GPM6A: variants seen among roughly 807,000 people sequenced by gnomAD.
GPM6A encodes the protein neuronal membrane glycoprotein M6-a.
In GPM6A, 7 loss-of-function variants were observed where a neutral mutation model predicts 32.1. The ratio of observed to expected loss-of-function variants is 0.22; its 90% CI spans 0.12 to 0.41. The LOEUF is 0.41. Among genes scored for constraint, GPM6A ranks in the 10% least tolerant of loss-of-function variants. The pLI, the probability that GPM6A is intolerant of heterozygous loss-of-function variation, is 1.00. For missense variants in GPM6A, 235 were observed against 347.2 expected (o/e 0.68, Z 2.57); for synonymous variants, 130 against 123.4 (o/e 1.05, Z -0.35).
At chr4:175,707,760 G>A (rs990147291) in intron 1 of GPM6A, among the ~76,000 whole-genome samples, 6 of 151,940 alleles carry the variant, frequency 3.9e-5, no homozygotes, top group Non-Finnish European at 7.4e-5. Context: ...TGATATTATC[G>A]ATACTTATGC....
chr4:175,990,303 T>G (rs1741098311), intron 1 of GPM6A, among the ~76,000 whole-genome samples: 1 of 152,206 alleles, frequency 6.6e-6, no homozygotes, highest in South Asian at 2.1e-4. Flanking sequence ...ACCATCCAGC[T>G]GCTCGTCAAG....
At chr4:175,846,408 C>A (rs558856138) in intron 1 of GPM6A, among the ~76,000 whole-genome samples, 3 of 152,198 alleles carry the variant, frequency 2.0e-5, no homozygotes, top group East Asian at 1.9e-4. Flanking sequence ...AATATTGATT[C>A]TTCCCTGAAG....
At chr4:175,656,250 A>C (rs1742078103) in intron 3 of GPM6A, among the ~76,000 whole-genome samples, 1 of 152,124 alleles carries the variant, frequency 6.6e-6, no homozygotes, top group African/African-American at 2.4e-5. Context: ...GTATAAAATG[A>C]TAAAGATTGG....
chr4:175,766,992 A>T (rs572083920), intron 1 of GPM6A, among the ~76,000 whole-genome samples: 1 of 151,936 alleles, frequency 6.6e-6, no homozygotes, highest in African/African-American at 2.4e-5. Flanking sequence ...CCCTCTAATC[A>T]TAAACTTTTT....
At chr4:175,897,770 A>G (rs916572212) in intron 1 of GPM6A, among the ~76,000 whole-genome samples, 1 of 152,182 alleles carries the variant, frequency 6.6e-6, no homozygotes, top group African/African-American at 2.4e-5. Flanking sequence ...GTGTCTAGAA[A>G]TGCATTGTTA....
intron 5 of GPM6A, 96 bp from the exon 6 acceptor site, chr4:175,640,290 C>T (rs1579329447): frequency 4.3e-6 from 4 of 934,544 alleles, no homozygotes; most frequent in Non-Finnish European, 6.9e-6. Context: ...CTTTGTACAT[C>T]TTAAATAAAA....
intron 1 of GPM6A, among the ~76,000 whole-genome samples, chr4:175,762,238 T>C (rs917895439): frequency 5.9e-5 from 9 of 152,338 alleles, no homozygotes; most frequent in African/African-American, 1.9e-4. Context: ...GTTTTTAATA[T>C]AGTGCAGGGA....
chr4:175,750,366 G>C (rs957740517), intron 1 of GPM6A, among the ~76,000 whole-genome samples: 2 of 151,976 alleles, frequency 1.3e-5, no homozygotes, highest in Non-Finnish European at 2.9e-5. Context: ...CCCTAAGTGA[G>C]CCTATTTCTA....
chr4:175,858,220 C>T (rs1017436812), intron 1 of GPM6A, among the ~76,000 whole-genome samples: 36 of 152,094 alleles, frequency 2.4e-4, no homozygotes, highest in Admixed American at 1.7e-3. Context: ...AATGTGACAT[C>T]GCTACACACT....
At chr4:175,972,184 T>C (rs534811999) in intron 1 of GPM6A, among the ~76,000 whole-genome samples, 1 of 152,100 alleles carries the variant, frequency 6.6e-6, no homozygotes, top group African/African-American at 2.4e-5. Flanking sequence ...AAAAGAAAAT[T>C]TGTGTCAAAG....
chr4:175,685,807 AC>A (rs577949754), intron 2 of GPM6A, among the ~76,000 whole-genome samples: 2 of 151,278 alleles, frequency 1.3e-5, no homozygotes, highest in Admixed American at 6.6e-5. Flanking sequence ...ATTTTTATAC[AC>A]CCCCCCACAC....
intron 1 of GPM6A, among the ~76,000 whole-genome samples, chr4:175,897,099 G>A (rs1227555627): frequency 1.3e-5 from 2 of 152,146 alleles, no homozygotes; most frequent in Non-Finnish European, 2.9e-5. Flanking sequence ...ATAGGGGACA[G>A]AAGAGCCAAG....
chr4:175,932,097 G>C (rs560245344), intron 1 of GPM6A, among the ~76,000 whole-genome samples: 38 of 134,290 alleles, frequency 2.8e-4, no homozygotes, highest in Non-Finnish European at 4.7e-4. Context: ...CTTGCCTCTA[G>C]GAAAAAAAAA....
chr4:175,734,867 T>A (rs1170718725), intron 1 of GPM6A, among the ~76,000 whole-genome samples: 2 of 151,732 alleles, frequency 1.3e-5, no homozygotes, highest in Non-Finnish European at 1.5e-5. Flanking sequence ...GAAAAAAAAA[T>A]GCTATAATAT....
rs777339851 is a variant in GPM6A, at chr4:175,787,257, C to T, written c.37+24934G>A. ...TTAATAATGTATTTAATGAGGCATG[C>T]ACTACAGAGATAAAGCAGAAATGAT... is the stretch of plus-strand genomic sequence containing the variant. On this transcript the variant is annotated intron_variant, in intron 1 of 6. Transcript: ENST00000393658. 58 of 795,580 alleles carry T rather than the reference C, an allele frequency of 7.3e-5. No individual in the cohort carries two copies. In the Middle Eastern group the frequency reaches 8.8e-4, roughly 12 times the overall value. The allele number at this position is 795,580 out of a possible 1,614,324, so 49.3% of individuals were successfully genotyped here.
chr4:175,817,015 C>A (rs1283918195), upstream of GPM6A, among the ~76,000 whole-genome samples: 6 of 152,164 alleles, frequency 3.9e-5, no homozygotes, highest in East Asian at 1.2e-3. Flanking sequence ...CGCCACCACG[C>A]CCGGCTAATT....
At chr4:175,665,225 C>G (rs1194469248) in intron 3 of GPM6A, among the ~76,000 whole-genome samples, 1 of 152,098 alleles carries the variant, frequency 6.6e-6, no homozygotes, top group Non-Finnish European at 1.5e-5. Context: ...TCCCTTCTCT[C>G]CGTGCAAACA....
chr4:175,872,767 A>T (rs1736951470), intron 1 of GPM6A: 1 of 152,218 alleles, frequency 6.6e-6, no homozygotes, highest in South Asian at 2.1e-4. Context: ...ATGCATTTGA[A>T]GCAATAAATT....
intron 1 of GPM6A, chr4:175,786,936 A>C (rs1353309508): frequency 6.1e-6 from 1 of 163,212 alleles, no homozygotes; most frequent in African/African-American, 2.4e-5. Context: ...AGAAAGAAAA[A>C]TATCTGTGGT....
Sources: gnomAD v4.1 joint callset for allele counts (sites outside exome capture counted in the v4.1 genomes callset) on GRCh38, gnomAD v4.1.1 for gene constraint, MANE v1.5 for transcripts, NCBI Gene and HGNC (gene_info 2026-07-23, HGNC 2026-07-21) for gene names.